The following ABAT variants were observed in gnomAD, a reference collection of about 807,000 sequenced individuals.
ABAT encodes the protein 4-aminobutyrate aminotransferase, mitochondrial.
Under a neutral mutation model 64.6 loss-of-function variants are expected in ABAT, and 45 were observed. The ratio of observed to expected loss-of-function variants is 0.70; its 90% confidence interval spans 0.55 to 0.89. The LOEUF (loss-of-function observed/expected upper bound fraction) is 0.89. Among genes scored for constraint, ABAT ranks in the 40% least tolerant of loss-of-function variants. ABAT has a pLI of 0.00. For synonymous variants in ABAT, 297 were observed against 250.5 expected (o/e 1.19, Z -1.75); for missense variants, 633 against 658.4 (o/e 0.96, Z 0.42).
chr16:8,778,981 T>C (rs1028990827), intron 14 of ABAT, among the ~76,000 whole-genome samples: 2 of 152,104 alleles, frequency 1.3e-5, no homozygotes, highest in Non-Finnish European at 2.9e-5. Flanking sequence ...CTCAAAGCCC[T>C]GAGGGAGGAC....
chr16:8,710,944 C>T (rs542783723), intron 1 of ABAT, among the ~76,000 whole-genome samples: 3 of 152,328 alleles, frequency 2.0e-5, no homozygotes, highest in African/African-American at 4.8e-5. Flanking sequence ...TAATCACTTT[C>T]CCATATCAGT....
chr16:8,733,958 A>G (rs1282786622), intron 1 of ABAT, among the ~76,000 whole-genome samples: 1 of 152,224 alleles, frequency 6.6e-6, no homozygotes, highest in African/African-American at 2.4e-5. Flanking sequence ...GTTGCAGCAT[A>G]TAACAGGATT....
intron 8 of ABAT, among the ~76,000 whole-genome samples, chr16:8,765,490 C>T (rs1387001356): frequency 6.6e-6 from 1 of 151,908 alleles, no homozygotes; most frequent in African/African-American, 2.4e-5. Flanking sequence ...ATGGTGAAAC[C>T]CCGTCTCTAT....
chr16:8,692,915 G>A (rs142524468), intron 1 of ABAT, among the ~76,000 whole-genome samples: 3,647 of 152,208 alleles, frequency 0.024, 145 homozygotes, highest in African/African-American at 0.083. Flanking sequence ...GTGCAGTGGT[G>A]CAATCTCAGC....
At chr16:8,687,607 C>G (rs536485616) in intron 1 of ABAT, among the ~76,000 whole-genome samples, 1 of 152,238 alleles carries the variant, frequency 6.6e-6, no homozygotes, top group Admixed American at 6.5e-5. Context: ...CAGCAGCCAC[C>G]TGTCAACAAA....
At chr16:8,728,574 GTTA>G (rs2058625910) in intron 1 of ABAT, among the ~76,000 whole-genome samples, 2 of 152,058 alleles carry the variant, frequency 1.3e-5, no homozygotes, top group Non-Finnish European at 2.9e-5. Context: ...AATCCATTGA[GTTA>G]TTAAGAAAAG....
At chr16:8,716,967 G>A (rs748730046) in intron 1 of ABAT, among the ~76,000 whole-genome samples, 4 of 152,094 alleles carry the variant, frequency 2.6e-5, no homozygotes, top group Admixed American at 6.5e-5. Context: ...GCACACATCC[G>A]AAAAAGAAAT....
At chr16:8,763,610 G>A (rs1024603545) in intron 6 of ABAT, among the ~76,000 whole-genome samples, 2 of 152,138 alleles carry the variant, frequency 1.3e-5, no homozygotes, top group Non-Finnish European at 2.9e-5. Context: ...CACCATGTTG[G>A]CCAGGCTGGT....
Position 8,732,429 on chromosome 16 carries a change from G to C in ABAT, c.-41-3270G>C, listed in dbSNP as rs573802771. 2.5e-4 allele frequency among the ~76,000 whole-genome samples: 38 copies of C among 150,282 alleles called. 2 individuals carry two copies. The highest frequency in any genetic ancestry group is 8.2e-4 in the African/African-American group (33 of 40,246). ...TTAGGGAGTGGTGATGACTCTTAAC[G>C]AGCCTGCTGCCTTCAAGCATCTGTT... On this transcript the variant is annotated intron_variant, in intron 1 of 15. Transcript: ENST00000268251.
In ABAT at chr16:8,748,906, G is replaced by C. The variant is rs1274310478; in HGVS notation, c.198+769G>C. On this transcript the variant is annotated intron_variant, in intron 4 of 15. Transcript: ENST00000268251. Reference sequence around the variant, plus strand: ...TTACTTTCAAACTATTTGTGTTCTTGAATCTAAAGTGTCTCCTGTAAACAG... The same window carrying C: ...TTACTTTCAAACTATTTGTGTTCTTCAATCTAAAGTGTCTCCTGTAAACAG... Among the ~76,000 whole-genome samples, 5 of 152,072 alleles carry C rather than the reference G, an allele frequency of 3.3e-5. No individual in the cohort carries two copies. In the East Asian group the frequency reaches 7.7e-4, roughly 23 times the overall value.
chr16:8,728,728 G>A (rs942668223), intron 1 of ABAT, among the ~76,000 whole-genome samples: 2 of 152,072 alleles, frequency 1.3e-5, no homozygotes, highest in Non-Finnish European at 2.9e-5. Context: ...ACACAAATTA[G>A]CCAGGTGTGG....
chr16:8,697,538 G>C (rs1172695182), intron 1 of ABAT, among the ~76,000 whole-genome samples: 1 of 152,188 alleles, frequency 6.6e-6, no homozygotes, highest in East Asian at 1.9e-4. Flanking sequence ...ATTGCAGTCA[G>C]TGCCTGGGTT....
chr16:8,766,409 C>T (rs1567311670), intron 9 of ABAT, 139 bp downstream of exon 9: 3 of 788,416 alleles, frequency 3.8e-6, no homozygotes, highest in Admixed American at 2.1e-5. Flanking sequence ...AATCCCAGCA[C>T]TTTGGGAGGC....
Position 8,781,658 on chromosome 16 carries a change from G to C in ABAT, c.*228G>C. ...AATGGTGCACATTGGTTTAAGCCCAGAGATCCTGCTTGAGCCCTGGACTCA... is the reference window on the plus strand; with the variant it reads ...AATGGTGCACATTGGTTTAAGCCCACAGATCCTGCTTGAGCCCTGGACTCA... On this transcript the variant is annotated 3_prime_UTR_variant, in exon 16 of 16. Transcript: ENST00000268251. This position sits in a 1 kb window ranked among gnomAD's most constrained non-coding sequence, Gnocchi z 4.5. 1.6e-6 allele frequency: 1 copy of C among 620,558 alleles called. No homozygotes were observed. Among genetic ancestry groups the C allele is most frequent in the Non-Finnish European group, 2.9e-6 (1 of 350,688 alleles). 38.4% of individuals were successfully genotyped at this position (620,558 alleles called of 1,614,324 possible).
intron 2 of ABAT, among the ~76,000 whole-genome samples, chr16:8,741,012 T>G (rs2059148815): frequency 6.6e-6 from 1 of 152,254 alleles, no homozygotes; most frequent in African/African-American, 2.4e-5. Context: ...ACTCTCGGTC[T>G]AAAGATCAAG....
intron 1 of ABAT, among the ~76,000 whole-genome samples, chr16:8,704,463 T>C (rs368599024): frequency 2.6e-5 from 4 of 152,210 alleles, no homozygotes; most frequent in Non-Finnish European, 4.4e-5. Flanking sequence ...TCTCCAAACA[T>C]TTGATAAAAT....
At chr16:8,777,342 C>G (rs2060296648) in intron 14 of ABAT, among the ~76,000 whole-genome samples, 1 of 152,156 alleles carries the variant, frequency 6.6e-6, no homozygotes, top group Non-Finnish European at 1.5e-5. Flanking sequence ...CAGCACTGCC[C>G]TCCCCTGCTG....
chr16:8,719,628 C>A lies in ABAT; in HGVS notation c.-41-16071C>A, dbSNP rs549284972. 7.2e-5 allele frequency among the ~76,000 whole-genome samples: 11 copies of A among 152,248 alleles called. No individual in the cohort carries two copies. In the East Asian group the frequency reaches 1.7e-3, roughly 24 times the overall value. On this transcript the variant is annotated intron_variant, in intron 1 of 15. Transcript: ENST00000268251. ...GATGTTGAGGCTGGTAGCAGGACCA[C>A]CGCATGTGCCAATAGTCTTTAGCAG...
At chr16:8,742,203 C>G (rs2059182129) in intron 2 of ABAT, among the ~76,000 whole-genome samples, 2 of 152,206 alleles carry the variant, frequency 1.3e-5, no homozygotes, top group Non-Finnish European at 2.9e-5. Flanking sequence ...CCTTGACATG[C>G]TCATTATCGC....
Sources: allele counts gnomAD v4.1 joint callset (sites outside exome capture counted in the v4.1 genomes callset), GRCh38; gene constraint gnomAD v4.1.1; non-coding constraint Gnocchi (gnomAD v3.1); transcripts MANE v1.5; gene names NCBI Gene and HGNC (gene_info 2026-07-23, HGNC 2026-07-21).